ABHD4: variants seen among roughly 807,000 people sequenced by gnomAD.
ABHD4 encodes the protein (Lyso)-N-acylphosphatidylethanolamine lipase.
In ABHD4, 35 loss-of-function variants were observed where a neutral mutation model predicts 42.3. The ratio of observed to expected loss-of-function variants is 0.83; its 90% CI spans 0.63 to 1.10. The LOEUF is 1.10. Among genes scored for constraint, ABHD4 ranks in the 50% least tolerant of loss-of-function variants. ABHD4 has a pLI of 0.00. For missense variants in ABHD4, 389 were observed against 454.8 expected, an observed-to-expected ratio of 0.86 and a Z score of 1.32; for synonymous variants, 169 against 170.6, an observed-to-expected ratio of 0.99 and a Z score of 0.07.
chr14:22,605,135 G>A (rs1308080642), intron 4 of ABHD4, among the ~76,000 whole-genome samples: 1 of 152,196 alleles, frequency 6.6e-6, no homozygotes, highest in African/African-American at 2.4e-5. Flanking sequence ...AGCAAATTCT[G>A]TGGGTAAAAG....
chr14:22,607,317 G>A (rs988395779), intron 5 of ABHD4, among the ~76,000 whole-genome samples: 1 of 152,106 alleles, frequency 6.6e-6, no homozygotes, highest in Non-Finnish European at 1.5e-5. Context: ...CTCTTATGTG[G>A]AAGTGCCCTG....
chr14:22,603,671 C>T lies in ABHD4; in HGVS notation c.394C>T (p.Arg132Trp), dbSNP rs949135495. ...GTTTGTGACATCGATAGAGACATGG[C>T]GGGAGACCATGGGGATCCCCAGCAT... ...DEFVTSIETW[R>W]ETMGIPSMIL... Residue 132 changes from arginine to tryptophan, a missense_variant, in exon 3 of 7, where the codon CGG becomes TGG. Arg to Trp is a moderately radical substitution (Grantham distance 101). Coordinates refer to ENST00000428304, the MANE Select transcript of ABHD4 (RefSeq NM_022060.3). 9 of 1,613,360 alleles carry T rather than the reference C, an allele frequency of 5.6e-6. No individual in the cohort carries two copies. The highest frequency in any genetic ancestry group is 1.3e-5 in the African/African-American group (1 of 74,876).
At chr14:22,606,794 C>G (rs1210372925) in intron 5 of ABHD4, among the ~76,000 whole-genome samples, 2 of 152,074 alleles carry the variant, frequency 1.3e-5, no homozygotes. Flanking sequence ...TGCAATTGGC[C>G]TGATGAACAA....
chr14:22,609,760 T>C lies in ABHD4; in HGVS notation c.789T>C (p.Phe263=), dbSNP rs1467232125. 4 of 1,614,050 alleles carry C rather than the reference T, an allele frequency of 2.5e-6. No homozygotes were observed. The highest frequency in any genetic ancestry group is 2.5e-6 in the Non-Finnish European group (3 of 1,180,042). The change falls in exon 6 of 7, where the codon TTT becomes TTC. Residue 263 remains phenylalanine (F), a synonymous_variant. Transcript: ENST00000428304. ...CATTCAAAGCCATGATGGAGTCCTT[T>C]GGCTGGGCCCGGCGCCCTATGCTGG... ...ETAFKAMMES[F]GWARRPMLER...
At position 22,609,504 on chromosome 14, in the gene ABHD4, C is replaced by T. The variant is rs569500833; in HGVS notation, c.753-220C>T. 27 of 492,364 alleles carry T rather than the reference C, an allele frequency of 5.5e-5. No individual in the cohort carries two copies. The South Asian group carries it at 7.7e-4, about 14-fold the overall frequency. 30.5% of individuals were successfully genotyped at this position (492,364 alleles called of 1,614,324 possible). On this transcript the variant is annotated intron_variant, in intron 5 of 6. Transcript: ENST00000428304. ...TTCATTCTCAGATTCTTGGACAGTT[C>T]GTACTGCCATGGGGTTTTTCACAAG... is the stretch of plus-strand genomic sequence containing the variant.
Position 22,603,482 on chromosome 14 carries a change from A to G in ABHD4, c.205A>G (p.Thr69Ala), listed in dbSNP as rs756182611. 1.3e-5 allele frequency: 21 copies of G among 1,613,820 alleles called. No homozygotes were observed. The Admixed American group carries it at 3.3e-4, about 26-fold the overall frequency. ...VTVSPEQNDR[T>A]PLVMVHGFGG... is the part of the protein sequence containing the mutation. ...TGTGAGCCCCGAGCAAAACGACCGC[A>G]CCCCCTTGGTGATGGTGCATGGTTT... is the stretch of plus-strand genomic sequence containing the variant. Residue 69 changes from threonine (T) to alanine (A), a missense_variant, in exon 3 of 7, where the codon ACC (threonine) becomes GCC (alanine). By Grantham distance (58) the Thr-to-Ala change is moderately conservative. Around this residue, in one of 3 missense-constraint regions of ABHD4, gnomAD observed 102 missense variants for 128.3 expected, o/e 0.80. Coordinates refer to ENST00000428304, the MANE Select transcript of ABHD4 (RefSeq NM_022060.3).
At chr14:22,604,752 G>T (rs2037329891) in intron 4 of ABHD4, among the ~76,000 whole-genome samples, 2 of 152,070 alleles carry the variant, frequency 1.3e-5, no homozygotes, top group South Asian at 4.1e-4. Context: ...TGGGACTGCA[G>T]GTGTACCCCA....
rs572070694 is a variant in ABHD4, at chr14:22,598,570, A to G, written c.23+241A>G. ...CGCAGCCCGGGGATCCTGGCTTTCT[A>G]CCTTAGTCCTCGCGAGTGCCCCTCA... On this transcript the variant is annotated intron_variant, in intron 1 of 6. Transcript: ENST00000428304. 4.2e-5 allele frequency: 48 copies of G among 1,149,694 alleles called. No individual in the cohort carries two copies. The African/African-American group carries it at 7.0e-4, about 17-fold the overall frequency. The allele number at this position is 1,149,694 out of a possible 1,614,324, so 71.2% of individuals were successfully genotyped here.
In ABHD4 at chr14:22,612,859, A is replaced by G. The variant is rs542575863; in HGVS notation, c.*1911A>G. ...TTGTAAAACTTATAAACTTGTGGTT[A>G]CTTGTTTAGCGTCTCTTTCCTCCCC... On this transcript the variant is annotated 3_prime_UTR_variant, in exon 7 of 7. Transcript: ENST00000428304. The G allele has an allele frequency of 6.6e-6, 1 of 152,350 alleles. No individual in the cohort carries two copies. The highest frequency in any genetic ancestry group is 2.1e-4 in the South Asian group (1 of 4,828). 9.4% of individuals were successfully genotyped at this position (152,350 alleles called of 1,614,324 possible).
intron 6 of ABHD4, 49 bp downstream of exon 6, chr14:22,609,959 C>A: frequency 1.3e-6 from 2 of 1,562,894 alleles, no homozygotes; most frequent in Non-Finnish European, 1.8e-6. Context: ...GAGTCAATCA[C>A]CTCTCAGCCT....
chr14:22,600,539 C>A (rs4982645), intron 1 of ABHD4, among the ~76,000 whole-genome samples: 107,336 of 152,048 alleles, frequency 0.71, 39,603 homozygotes, highest in African/African-American at 0.93. Context: ...GGGATTTGGT[C>A]ATGGTTCCCC....
In ABHD4 at chr14:22,603,646, G is replaced by A. The variant is rs780457098; in HGVS notation, c.369G>A (p.Glu123=). ...FPRDPEGAED[E]FVTSIETWRE... ...GGGACCCGGAGGGGGCTGAGGATGAGTTTGTGACATCGATAGAGACATGGC... is the reference window on the plus strand; with the variant it reads ...GGGACCCGGAGGGGGCTGAGGATGAATTTGTGACATCGATAGAGACATGGC... The change falls in exon 3 of 7, where the codon GAG becomes GAA. Residue 123 remains glutamate (E), a synonymous_variant. Transcript: ENST00000428304. 13 of 1,614,042 alleles carry A rather than the reference G, an allele frequency of 8.1e-6. No homozygotes were observed. In the Admixed American group the frequency reaches 2.2e-4, roughly 27 times the overall value.
chr14:22,606,591 T>C, intron 5 of ABHD4, 58 bp downstream of exon 5: 1 of 1,209,940 alleles, frequency 8.3e-7, no homozygotes, highest in Non-Finnish European at 1.2e-6. Flanking sequence ...ATAAAACTCT[T>C]AGCTGCTGGA....
chr14:22,603,648 T>C lies in ABHD4; in HGVS notation c.371T>C (p.Phe124Ser). ...PRDPEGAEDE[F>S]VTSIETWRET... Reference sequence around the variant, plus strand: ...GACCCGGAGGGGGCTGAGGATGAGTTTGTGACATCGATAGAGACATGGCGG... The same window carrying C: ...GACCCGGAGGGGGCTGAGGATGAGTCTGTGACATCGATAGAGACATGGCGG... The change falls in exon 3 of 7, where the codon TTT (phenylalanine) becomes TCT (serine). Residue 124 changes from phenylalanine (F) to serine (S), a missense_variant. Physicochemically the swap from Phe to Ser is radical, Grantham distance 155 (BLOSUM62 -2). Coordinates refer to ENST00000428304, the MANE Select transcript of ABHD4 (RefSeq NM_022060.3). 1 of 1,614,032 alleles carries C rather than the reference T, an allele frequency of 6.2e-7. No homozygotes were observed. The highest frequency in any genetic ancestry group is 1.3e-5 in the African/African-American group (1 of 74,980).
intron 2 of ABHD4, 90 bp downstream of exon 2, chr14:22,601,845 G>A: frequency 2.6e-6 from 3 of 1,153,438 alleles, no homozygotes; most frequent in Non-Finnish European, 3.9e-6. Flanking sequence ...TGAGCCCACT[G>A]ATTCCTAATT....
In ABHD4 at chr14:22,603,373, G is replaced by T. The variant is rs766696427; in HGVS notation, c.113-17G>T. ...GGAAACACTTATTGACTTACCATGG[G>T]ATTCTTTCCTCCCCAGGTCTCCAGA... On this transcript the variant is annotated splice_polypyrimidine_tract_variant and intron_variant, in intron 2 of 6. Transcript: ENST00000428304. 1.9e-6 allele frequency: 3 copies of T among 1,613,916 alleles called. No homozygotes were observed. Among genetic ancestry groups the T allele is most frequent in the Non-Finnish European group, 2.5e-6 (3 of 1,179,944 alleles).
chr14:22,609,695 G>GA (rs1281101207), intron 5 of ABHD4, 29 bp from the exon 6 acceptor site: 1 of 1,607,328 alleles, frequency 6.2e-7, no homozygotes, highest in Non-Finnish European at 8.5e-7. Context: ...ATTCTGCTGT[G>GA]AAGTTTATTG....
At chr14:22,598,528 T>C in intron 1 of ABHD4, 199 bp downstream of exon 1, 1 of 1,483,028 alleles carries the variant, frequency 6.7e-7, no homozygotes. Context: ...TGGGGAGCCA[T>C]GGGAGACGCG....
chr14:22,601,739 A>T lies in ABHD4; in HGVS notation c.96A>T (p.Glu32Asp). ...CCATGTCTCAGCTGAAGAATGTGGA[A>T]GCCAGGATCCTCCAGTGTAAGTAGA... Reference protein sequence around the residue: ...PTSMSQLKNVEARILQCLQNK... With the variant: ...PTSMSQLKNVDARILQCLQNK... The change falls in exon 2 of 7, where the codon GAA becomes GAT. Residue 32 changes from glutamate (E) to aspartate (D), a missense_variant. Transcript: ENST00000428304. 6.2e-7 allele frequency: 1 copy of T among 1,614,188 alleles called. No individual in the cohort carries two copies. Among genetic ancestry groups the T allele is most frequent in the Non-Finnish European group, 8.5e-7 (1 of 1,180,016 alleles).
Sources: allele counts gnomAD v4.1 joint callset (sites outside exome capture counted in the v4.1 genomes callset), GRCh38; gene constraint gnomAD v4.1.1; regional missense constraint gnomAD v4.1.1; transcripts MANE v1.5; gene names NCBI Gene and HGNC (gene_info 2026-07-23, HGNC 2026-07-21).